The following TUB variants were observed in gnomAD, a reference collection of about 807,000 sequenced individuals.
The protein encoded by TUB is tubby protein homolog.
TUB carries 33 observed loss-of-function variants against 59.7 expected under a neutral mutation model. The observed-to-expected ratio is 0.55, with a 90% CI of 0.42 to 0.74. TUB has a LOEUF of 0.74. Ranked by LOEUF, TUB falls within the 30% of genes least tolerant of loss-of-function variation. The probability of loss-of-function intolerance (pLI) is 0.00; values close to 1 mark genes in which losing one functional copy is unlikely to be tolerated. For synonymous variants in TUB, 293 were observed against 256.4 expected, an observed-to-expected ratio of 1.14 and a Z score of -1.36; for missense variants, 659 against 672.0, an observed-to-expected ratio of 0.98 and a Z score of 0.21.
intron 2 of TUB, among the ~76,000 whole-genome samples, chr11:8,062,663 T>C (rs1055271947): frequency 9.2e-5 from 14 of 152,020 alleles, no homozygotes; most frequent in Non-Finnish European, 2.1e-4. Context: ...TCTAGAACAG[T>C]GGTTTGCATC....
At chr11:8,076,864 T>C (rs1027643680), upstream of TUB, 5 of 152,220 alleles carry the variant, frequency 3.3e-5, no homozygotes, top group African/African-American at 1.2e-4. Flanking sequence ...ATTTGGAAAA[T>C]AGACATTGCT....
At position 8,095,521 on chromosome 11, in the gene TUB, G is replaced by C. The variant is rs765847447; in HGVS notation, c.421G>C (p.Ala141Pro). 3.1e-6 allele frequency: 5 copies of C among 1,611,726 alleles called. No homozygotes were observed. The African/African-American group carries it at 6.7e-5, about 22-fold the overall frequency. Reference sequence around the variant, plus strand: ...AGGCACCAGCGGGCCAGCAGCACTGGCAGAAGACAAGTCTGAGGCCCAAGG... The same window carrying C: ...AGGCACCAGCGGGCCAGCAGCACTGCCAGAAGACAAGTCTGAGGCCCAAGG... Reference protein sequence around the residue: ...HKGTSGPAALAEDKSEAQGPV... With the variant: ...HKGTSGPAALPEDKSEAQGPV... The change falls in exon 5 of 12, where the codon GCA (alanine) becomes CCA (proline). Residue 141 changes from alanine (A) to proline (P), a missense_variant. By Grantham distance (27) the Ala-to-Pro change is conservative. Coordinates refer to ENST00000299506, the MANE Select transcript of TUB (RefSeq NM_177972.3).
chr11:8,067,005 T>C (rs1429177711), intron 2 of TUB, among the ~76,000 whole-genome samples: 1 of 152,104 alleles, frequency 6.6e-6, no homozygotes, highest in East Asian at 1.9e-4. Flanking sequence ...TTCCTCTCAG[T>C]AAGTTTCTGA....
At chr11:8,084,528 T>C (rs1054767290) in intron 1 of TUB, among the ~76,000 whole-genome samples, 1 of 152,214 alleles carries the variant, frequency 6.6e-6, no homozygotes, top group Non-Finnish European at 1.5e-5. Flanking sequence ...CCACGGCGTA[T>C]TGGAGGACTA....
chr11:8,049,578 T>G (rs755457704), intron 2 of TUB, among the ~76,000 whole-genome samples: 17 of 85,926 alleles, frequency 2.0e-4, no homozygotes, highest in Middle Eastern at 7.6e-3. Context: ...TATATATATA[T>G]ATAGATAGAT....
chr11:8,055,874 C>T (rs764346366), intron 2 of TUB, among the ~76,000 whole-genome samples: 22 of 152,208 alleles, frequency 1.4e-4, no homozygotes, highest in Non-Finnish European at 2.2e-4. Context: ...CTAGCCCCTT[C>T]GCTCAGGGCC....
intron 2 of TUB, among the ~76,000 whole-genome samples, chr11:8,059,181 G>A (rs1211040704): frequency 6.6e-6 from 1 of 152,068 alleles, no homozygotes; most frequent in Non-Finnish European, 1.5e-5. Context: ...CCTCCTGGCC[G>A]GGGGCACTGG....
In TUB at chr11:8,081,506, G is replaced by A. The variant is rs1195810655; in HGVS notation, c.-5G>A. On this transcript the variant is annotated 5_prime_UTR_variant, in exon 1 of 12. Coordinates refer to ENST00000299506, the MANE Select transcript of TUB (RefSeq NM_177972.3). ...GCCGCAGCCACCGCCCCGCCCCCGAGAGACATGACTTCCAAGCCGCATTCC... is the reference window on the plus strand; with the variant it reads ...GCCGCAGCCACCGCCCCGCCCCCGAAAGACATGACTTCCAAGCCGCATTCC... 2.0e-5 allele frequency: 31 copies of A among 1,541,416 alleles called. No individual in the cohort carries two copies. The African/African-American group carries it at 4.0e-4, about 20-fold the overall frequency.
rs1428309161 is a variant in TUB, at chr11:8,100,560, A to G, written c.1174A>G (p.Met392Val). The change falls in exon 10 of 12, where the codon ATG (methionine) becomes GTG (valine). Residue 392 changes from methionine to valine, a missense_variant. Met to Val is a conservative substitution (Grantham distance 21, BLOSUM62 1). Coordinates refer to ENST00000299506, the MANE Select transcript of TUB (RefSeq NM_177972.3). Reference protein sequence around the residue: ...PRKMSVIVPGMNMVHERVSIR... With the variant: ...PRKMSVIVPGVNMVHERVSIR... Reference sequence around the variant, plus strand: ...GAAGATGAGCGTGATTGTCCCAGGCATGAACATGGTTCATGAGAGAGTCTC... The same window carrying G: ...GAAGATGAGCGTGATTGTCCCAGGCGTGAACATGGTTCATGAGAGAGTCTC... The G allele has an allele frequency of 5.6e-6, 9 of 1,614,180 alleles. No individual in the cohort carries two copies. Among genetic ancestry groups the G allele is most frequent in the African/African-American group, 5.3e-5 (4 of 75,058 alleles).
At chr11:8,101,380 T>G in intron 11 of TUB, 106 bp from the exon 12 acceptor site, 2 of 1,407,024 alleles carry the variant, frequency 1.4e-6, no homozygotes, top group Non-Finnish European at 2.0e-6. Flanking sequence ...CATCTCTGCT[T>G]CTCACTTGTT....
chr11:8,035,378 C>T (rs907878320), upstream of TUB: 1 of 152,286 alleles, frequency 6.6e-6, no homozygotes, highest in Admixed American at 6.5e-5. Flanking sequence ...TCTTTAAATT[C>T]TGCGCCTCAG....
intron 1 of TUB, among the ~76,000 whole-genome samples, chr11:8,024,481 G>C (rs183383903): frequency 1.3e-5 from 2 of 151,864 alleles, no homozygotes; most frequent in Non-Finnish European, 1.5e-5. Flanking sequence ...TCTGCACCCC[G>C]TGTGTTATGT....
intron 2 of TUB, among the ~76,000 whole-genome samples, chr11:8,061,173 C>T (rs946411507): frequency 2.6e-5 from 4 of 152,246 alleles, no homozygotes; most frequent in African/African-American, 4.8e-5. Flanking sequence ...AGTCTCTGAA[C>T]AGGACAAAGC....
At chr11:8,038,612 G>T (rs560269183), upstream of TUB, 8 of 1,196,912 alleles carry the variant, frequency 6.7e-6, no homozygotes, top group Middle Eastern at 1.0e-3. Context: ...GGGTGTCCCT[G>T]TGTGGCATGG....
At chr11:8,097,866 G>GA (rs1182218204) in intron 8 of TUB, 40 bp downstream of exon 8, 26 of 1,515,756 alleles carry the variant, frequency 1.7e-5, no homozygotes, top group Non-Finnish European at 2.3e-5. Flanking sequence ...GAGTGGGAGG[G>GA]AGGGGCAGGG....
chr11:8,020,414 G>A (rs949752143), intron 1 of TUB, among the ~76,000 whole-genome samples: 1 of 152,094 alleles, frequency 6.6e-6, no homozygotes, highest in Non-Finnish European at 1.5e-5. Flanking sequence ...AGAGGAACAG[G>A]TGTCCCTCCT....
Position 8,106,017 on chromosome 11 carries a change from TTTTA to T in TUB, c.*4402_*4405del, listed in dbSNP as rs1944590217. The T allele has an allele frequency of 6.6e-6, 1 of 151,942 alleles. No individual in the cohort carries two copies. Among genetic ancestry groups the T allele is most frequent in the South Asian group, 2.1e-4 (1 of 4,820 alleles). 9.4% of individuals were successfully genotyped at this position (151,942 alleles called of 1,614,324 possible). On this transcript the variant is annotated 3_prime_UTR_variant, in exon 12 of 12. Coordinates refer to ENST00000299506, the MANE Select transcript of TUB (RefSeq NM_177972.3). ...TTTCCTATTTTGGAGTGGTCAGACA[TTTTA>T]TTTTTGTTCAAGATTATCTGGCGTT...
intron 1 of TUB, among the ~76,000 whole-genome samples, chr11:8,031,811 C>T (rs1424726039): frequency 6.6e-6 from 1 of 152,236 alleles, no homozygotes; most frequent in Non-Finnish European, 1.5e-5. Context: ...TTGGGGGCCA[C>T]AGGGCCAGTC....
At chr11:8,050,136 T>C (rs1384148783) in intron 2 of TUB, among the ~76,000 whole-genome samples, 2 of 152,244 alleles carry the variant, frequency 1.3e-5, no homozygotes. Context: ...ATTTGCAAGA[T>C]GCATGTATGT....
Sources: allele counts gnomAD v4.1 joint callset (sites outside exome capture counted in the v4.1 genomes callset), GRCh38; gene constraint gnomAD v4.1.1; transcripts MANE v1.5; gene names NCBI Gene and HGNC (gene_info 2026-07-23, HGNC 2026-07-21).